The following TIMM23 variants were observed in gnomAD, a reference collection of about 807,000 sequenced individuals.
TIMM23 encodes the protein translocase of inner mitochondrial membrane 23.
A neutral mutation model predicts 30.7 loss-of-function variants in TIMM23; 19 were observed. The ratio of observed to expected loss-of-function variants is 0.62; its 90% CI spans 0.43 to 0.91. TIMM23 has a LOEUF of 0.91. Among genes scored for constraint, TIMM23 ranks in the 40% least tolerant of loss-of-function variants. The probability of loss-of-function intolerance (pLI) is 0.00; values close to 1 mark genes in which losing one functional copy is unlikely to be tolerated. For missense variants in TIMM23, 202 were observed against 269.2 expected, an observed-to-expected ratio of 0.75 and a Z score of 1.75; for synonymous variants, 78 against 98.5, an observed-to-expected ratio of 0.79 and a Z score of 1.23.
chr10:45,988,918 A>T, intron 6 of TIMM23, 71 bp downstream of exon 6: 1 of 1,409,360 alleles, frequency 7.1e-7, no homozygotes, highest in Non-Finnish European at 1.0e-6. Context: ...CATGGTTTTC[A>T]AGGAAATTAC....
Position 45,989,344 on chromosome 10 carries a change from TGTATGTATA to T in TIMM23, c.514+498_514+506del, listed in dbSNP as rs1275165566. Among the ~76,000 whole-genome samples the T allele has an allele frequency of 2.6e-4, 39 of 152,372 alleles. No individual in the cohort carries two copies. In the East Asian group the frequency reaches 5.6e-3, roughly 22 times the overall value. ...TTAAAGCTAAATAATATTCATTCTG[TGTATGTATA>T]CCACATTTTGCATGTGCGTTCTTTT... On this transcript the variant is annotated intron_variant, in intron 6 of 6. Transcript: ENST00000580018.
chr10:45,994,478 G>T (rs1179108564), intron 6 of TIMM23, among the ~76,000 whole-genome samples: 20 of 122,850 alleles, frequency 1.6e-4, no homozygotes, highest in Middle Eastern at 3.6e-3. Flanking sequence ...TTTTGACAGG[G>T]TCTCAGACTA....
intron 2 of TIMM23, among the ~76,000 whole-genome samples, chr10:45,981,734 C>T (rs1345617116): frequency 2.0e-5 from 3 of 152,250 alleles, no homozygotes; most frequent in Admixed American, 1.3e-4. Flanking sequence ...GTGACCTAGC[C>T]ATTAGAGGCT....
chr10:45,975,542 A>G (rs1310351694), intron 2 of TIMM23, 30 bp downstream of exon 2: 14 of 1,612,908 alleles, frequency 8.7e-6, no homozygotes, highest in Admixed American at 1.7e-5. Context: ...AGTTTGGTGC[A>G]TTATTTTACC....
chr10:46,003,302 T>A lies in TIMM23; in HGVS notation c.614T>A (p.Leu205His). ...TGGGAGCACATGAAAGGCTCCTTGC[T>A]CCAACAGTCACTCTGAAGATTTTGC... Reference protein sequence around the residue: ...NNWEHMKGSLLQQSL With the variant: ...NNWEHMKGSLHQQSL The change falls in exon 7 of 7, where the codon CTC becomes CAC. Residue 205 changes from leucine to histidine, a missense_variant. Transcript: ENST00000580018. 1 of 1,613,898 alleles carries A rather than the reference T, an allele frequency of 6.2e-7. No homozygotes were observed. Among genetic ancestry groups the A allele is most frequent in the Non-Finnish European group, 8.5e-7 (1 of 1,179,808 alleles).
At chr10:45,974,125 A>G (rs797037804) in intron 1 of TIMM23, among the ~76,000 whole-genome samples, 2 of 150,690 alleles carry the variant, frequency 1.3e-5, no homozygotes, top group Non-Finnish European at 2.9e-5. Flanking sequence ...TGTGCTAGCT[A>G]CTTTTCTGGG....
intron 6 of TIMM23, among the ~76,000 whole-genome samples, chr10:46,002,810 A>ATTTTTTTTTTTTTT (rs386371331): frequency 1.1e-5 from 1 of 95,066 alleles, no homozygotes; most frequent in Non-Finnish European, 2.0e-5. Context: ...ATTTCATAGT[A>ATTTTTTTTTTTTTT]TTTTTTTTTT....
chr10:45,973,825 TG>T (rs1249169770), intron 1 of TIMM23, among the ~76,000 whole-genome samples: 51 of 147,470 alleles, frequency 3.5e-4, no homozygotes, highest in African/African-American at 1.3e-3. Context: ...TTTTTTTTTT[TG>T]ACTTATTGTG....
chr10:45,975,681 G>A (rs1209447913), intron 2 of TIMM23, among the ~76,000 whole-genome samples, 169 bp downstream of exon 2: 1 of 152,158 alleles, frequency 6.6e-6, no homozygotes, highest in Non-Finnish European at 1.5e-5. Context: ...GCATCTCTCT[G>A]AAACCAGTTA....
Position 45,972,638 on chromosome 10 carries a change from G to A in TIMM23, c.14G>A (p.Gly5Glu). MEGGGGSGNKTTGGL... is the reference protein window; with the variant it reads MEGGEGSGNKTTGGL... ...TGCTGCGATACCATGGAAGGAGGCG[G>A]GGGAAGCGGCAACAAAACCACAGGG... The change falls in exon 1 of 7, where the codon GGG becomes GAG. Residue 5 changes from glycine to glutamate, a missense_variant. Transcript: ENST00000580018. The A allele has an allele frequency of 5.0e-6, 8 of 1,613,948 alleles. No homozygotes were observed. The highest frequency in any genetic ancestry group is 1.1e-5 in the South Asian group (1 of 91,072).
intron 6 of TIMM23, among the ~76,000 whole-genome samples, chr10:46,001,306 A>G (rs1481157260): frequency 6.6e-6 from 1 of 152,234 alleles, no homozygotes; most frequent in Non-Finnish European, 1.5e-5. Context: ...ACCTCATGTT[A>G]TACTTTTAGT....
Position 45,974,869 on chromosome 10 carries a change from A to G in TIMM23, c.107-585A>G, listed in dbSNP as rs1554912650. On this transcript the variant is annotated intron_variant, in intron 1 of 6. Transcript: ENST00000580018. ...AAGATGATAGGTTTTACTGTTTTCA[A>G]TGTTAGTGAATTCAGGTCTGGCCCT... Among the ~76,000 whole-genome samples, 496 of 152,034 alleles carry G rather than the reference A, an allele frequency of 3.3e-3. 4 individuals are homozygous for G. The highest frequency in any genetic ancestry group is 5.0e-3 in the Non-Finnish European group (337 of 67,976).
chr10:45,985,438 C>G lies in TIMM23; in HGVS notation c.400C>G (p.Leu134Val). ...GALWANTLGS[L>V]ALLYSAFGVI... ...ACTTTGGGCTAATACTCTAGGTTCT[C>G]TGGGTAAGTAGAGATCTCATTTGAT... Residue 134 changes from leucine (L) to valine (V), a missense_variant, in exon 5 of 7, where the codon CTG becomes GTG. Transcript: ENST00000580018. 1 of 1,613,346 alleles carries G rather than the reference C, an allele frequency of 6.2e-7. No homozygotes were observed. The highest frequency in any genetic ancestry group is 8.5e-7 in the Non-Finnish European group (1 of 1,179,490).
chr10:46,003,218 T>G lies in TIMM23; in HGVS notation c.530T>G (p.Ile177Arg), dbSNP rs782410805. 1 of 1,614,096 alleles carries G rather than the reference T, an allele frequency of 6.2e-7. No homozygotes were observed. Among genetic ancestry groups the G allele is most frequent in the Non-Finnish European group, 8.5e-7 (1 of 1,179,946 alleles). Reference sequence around the variant, plus strand: ...TGTTTCCCAGGTGGTCTTCGAGGGATAGCACGAGGTGGTCTGACAGGACTA... The same window carrying G: ...TGTTTCCCAGGTGGTCTTCGAGGGAGAGCACGAGGTGGTCTGACAGGACTA... Reference protein sequence around the residue: ...LYKCTGGLRGIARGGLTGLTL... With the variant: ...LYKCTGGLRGRARGGLTGLTL... Residue 177 changes from isoleucine (I) to arginine (R), a missense_variant, in exon 7 of 7, where the codon ATA (isoleucine) becomes AGA (arginine). Transcript: ENST00000580018.
Position 45,976,846 on chromosome 10 carries a change from A to G in TIMM23, c.165+1334A>G, listed in dbSNP as rs1375829604. On this transcript the variant is annotated intron_variant, in intron 2 of 6. Transcript: ENST00000580018. Reference sequence around the variant, plus strand: ...AAAGAAGTTAAACTATCTGTTTACAAATGACATGATCTTATCTATAGAAAA... The same window carrying G: ...AAAGAAGTTAAACTATCTGTTTACAGATGACATGATCTTATCTATAGAAAA... Among the ~76,000 whole-genome samples the G allele has an allele frequency of 4.6e-5, 7 of 152,230 alleles. No individual in the cohort carries two copies. The South Asian group carries it at 1.4e-3, about 32-fold the overall frequency.
chr10:46,000,682 G>GC (rs1838501616), intron 6 of TIMM23, among the ~76,000 whole-genome samples: 1 of 152,192 alleles, frequency 6.6e-6, no homozygotes, highest in Admixed American at 6.5e-5. Context: ...AATGCACAAA[G>GC]CAAAGAACCA....
Position 45,982,918 on chromosome 10 carries a change from C to T in TIMM23, c.332C>T (p.Pro111Leu). The T allele has an allele frequency of 6.2e-7, 1 of 1,613,742 alleles. No individual in the cohort carries two copies. Among genetic ancestry groups the T allele is most frequent in the Non-Finnish European group, 8.5e-7 (1 of 1,179,806 alleles). Residue 111 changes from proline to leucine, a missense_variant, in exon 4 of 7, where the codon CCA (proline) becomes CTA (leucine). Coordinates refer to ENST00000580018, the MANE Select transcript of TIMM23 (RefSeq NM_006327.4). ...KETQNMAWSK[P>L]RNVQILNMVT... ...ACCCAGAACATGGCCTGGTCCAAAC[C>T]AAGAAATGTACAGTAAGTCTCTTGT...
In TIMM23 at chr10:46,003,192, C is replaced by T. The variant is rs782761789; in HGVS notation, c.515-11C>T. On this transcript the variant is annotated splice_polypyrimidine_tract_variant and intron_variant, in intron 6 of 6. Transcript: ENST00000580018. ...CAGCTATTTCATTTTCCTTTTGTCT[C>T]TGTTTCCCAGGTGGTCTTCGAGGGA... 2 of 1,606,446 alleles carry T rather than the reference C, an allele frequency of 1.2e-6. No homozygotes were observed. The highest frequency in any genetic ancestry group is 4.5e-5 in the East Asian group (2 of 44,870).
intron 6 of TIMM23, chr10:45,998,450 C>G (rs1838414098): frequency 1.1e-6 from 1 of 930,938 alleles, no homozygotes; most frequent in Non-Finnish European, 1.3e-6. Flanking sequence ...GACCATTGGC[C>G]TTATTTGGTT....
Sources: allele counts gnomAD v4.1 joint callset (sites outside exome capture counted in the v4.1 genomes callset), GRCh38; gene constraint gnomAD v4.1.1; transcripts MANE v1.5; gene names NCBI Gene and HGNC (gene_info 2026-07-23, HGNC 2026-07-21).